The following ARHGEF4 variants were observed in gnomAD, a reference collection of about 807,000 sequenced individuals.
ARHGEF4 encodes APC-stimulated guanine nucleotide exchange factor 1.
Under a neutral mutation model 162.0 loss-of-function variants are expected in ARHGEF4, and 119 were observed. That is an observed-to-expected ratio of 0.73 (90% confidence interval 0.63 to 0.86). The LOEUF (loss-of-function observed/expected upper bound fraction) is 0.86, where lower values mean the gene tolerates loss of function less well. ARHGEF4 is among the 40% of genes least tolerant of loss of function. ARHGEF4 has a pLI of 0.00. For missense variants in ARHGEF4, 2,488 were observed against 2,456.0 expected (o/e 1.01, Z -0.28); for synonymous variants, 1,014 against 979.9 (o/e 1.03, Z -0.65).
intron 1 of ARHGEF4, among the ~76,000 whole-genome samples, chr2:130,886,021 C>T (rs1295543514): frequency 6.6e-6 from 1 of 151,992 alleles, no homozygotes. Context: ...AAACCCCTTC[C>T]CAGTCTGTTG....
At chr2:130,917,623 C>A in intron 2 of ARHGEF4, 125 bp downstream of exon 2, 1 of 1,250,906 alleles carries the variant, frequency 8.0e-7, no homozygotes, top group South Asian at 1.6e-5. Context: ...GCCCCCGTTA[C>A]ACTCCCAGCC....
intron 4 of ARHGEF4, among the ~76,000 whole-genome samples, chr2:131,023,501 A>T (rs1689279166): frequency 6.6e-6 from 1 of 152,206 alleles, no homozygotes; most frequent in South Asian, 2.1e-4. Context: ...AAGCACATGA[A>T]AAGATGTTCA....
chr2:130,950,692 C>T (rs938046547), intron 4 of ARHGEF4, among the ~76,000 whole-genome samples: 3 of 143,300 alleles, frequency 2.1e-5, no homozygotes, highest in African/African-American at 5.7e-5. Context: ...TATTACCCCC[C>T]ACCACCACCC....
chr2:130,976,301 A>G (rs1685701128), intron 4 of ARHGEF4, among the ~76,000 whole-genome samples: 1 of 151,878 alleles, frequency 6.6e-6, no homozygotes, highest in South Asian at 2.1e-4. Context: ...GTTTGCATCT[A>G]GAGCTCTCAA....
intron 4 of ARHGEF4, among the ~76,000 whole-genome samples, chr2:131,023,454 T>C (rs532075874): frequency 6.2e-4 from 94 of 151,834 alleles, no homozygotes; most frequent in African/African-American, 1.8e-3. Flanking sequence ...GCAAAAGACA[T>C]AAAGAGATAT....
chr2:130,990,908 A>G (rs554131652), intron 4 of ARHGEF4, among the ~76,000 whole-genome samples: 3 of 152,350 alleles, frequency 2.0e-5, no homozygotes, highest in East Asian at 1.9e-4. Context: ...TCACACAGAT[A>G]TAGGGTTCAG....
At chr2:130,843,295 C>G (rs145652383) in intron 1 of ARHGEF4, among the ~76,000 whole-genome samples, 129 of 152,284 alleles carry the variant, frequency 8.5e-4, no homozygotes, top group African/African-American at 3.0e-3. Context: ...TGCCAGGGAG[C>G]CACCTACATC....
chr2:130,969,240 G>A (rs1456254856), intron 4 of ARHGEF4, among the ~76,000 whole-genome samples: 1 of 152,160 alleles, frequency 6.6e-6, no homozygotes, highest in Non-Finnish European at 1.5e-5. Context: ...CAGAATGGTT[G>A]TGTGGGTACT....
chr2:130,948,821 CA>C (rs1558757784), intron 4 of ARHGEF4, among the ~76,000 whole-genome samples: 1 of 152,012 alleles, frequency 6.6e-6, no homozygotes, highest in South Asian at 2.1e-4. Flanking sequence ...CCTTTTTCTT[CA>C]AAAAAGGAGT....
At chr2:130,839,634 G>A (rs1050842110) in intron 1 of ARHGEF4, among the ~76,000 whole-genome samples, 7 of 152,234 alleles carry the variant, frequency 4.6e-5, no homozygotes, top group South Asian at 4.1e-4. Context: ...ACACAGGTGC[G>A]CCGCCTTGGG....
intron 8 of ARHGEF4, 75 bp downstream of exon 8, chr2:131,040,515 G>C: frequency 1.4e-6 from 2 of 1,457,766 alleles, no homozygotes; most frequent in Non-Finnish European, 1.8e-6. Context: ...CGCGGACAGC[G>C]GGTGGCTGGT....
chr2:130,958,498 C>T (rs1208009008), intron 4 of ARHGEF4, among the ~76,000 whole-genome samples: 1 of 151,814 alleles, frequency 6.6e-6, no homozygotes, highest in Non-Finnish European at 1.5e-5. Context: ...CAACCTCCGC[C>T]CCCCCGATCC....
At chr2:131,004,258 A>T (rs1006368735) in intron 4 of ARHGEF4, among the ~76,000 whole-genome samples, 1 of 152,206 alleles carries the variant, frequency 6.6e-6, no homozygotes, top group African/African-American at 2.4e-5. Flanking sequence ...CTCCACCTCC[A>T]GGGTTCATGC....
intron 4 of ARHGEF4, among the ~76,000 whole-genome samples, chr2:130,962,529 C>G (rs1369649212): frequency 1.3e-5 from 2 of 152,096 alleles, no homozygotes; most frequent in Non-Finnish European, 2.9e-5. Flanking sequence ...AGAGGTCTCA[C>G]AAGGAGAGGA....
At chr2:131,043,765 A>T in intron 11 of ARHGEF4, 182 bp downstream of exon 11, 1 of 769,710 alleles carries the variant, frequency 1.3e-6, no homozygotes, top group Non-Finnish European at 2.0e-6. Flanking sequence ...CAGGAGCAGC[A>T]GGCGGCTTTC....
rs200182302 is a variant in ARHGEF4 at position 131,021,889 on chromosome 2, T to C, written c.3986-6056T>C. Among the ~76,000 whole-genome samples the C allele has an allele frequency of 2.6e-5, 4 of 152,376 alleles. No individual in the cohort carries two copies. In the East Asian group the frequency reaches 7.7e-4, roughly 29 times the overall value. On this transcript the variant is annotated intron_variant, in intron 4 of 13. Transcript: ENST00000409359. The stretch of plus-strand genomic sequence containing the variant: ...TTTATCGTAAAAACTTGGTCAATGC[T>C]TTTTCTGCATAGATTGAGATAATCA...
rs13425480 is a variant in ARHGEF4, at chr2:130,954,148, C to A, written c.3985+7513C>A. ...GTTCACAATAGCAAAGACTTGGAAC[C>A]GACCCAAATGTCTGTCAGTAATAGA... On this transcript the variant is annotated intron_variant, in intron 4 of 13. Transcript: ENST00000409359. 3.3e-5 allele frequency among the ~76,000 whole-genome samples: 5 copies of A among 152,094 alleles called. 1 individual carries two copies. The East Asian group carries it at 7.7e-4, about 23-fold the overall frequency.
rs1376811042 is a variant in ARHGEF4 at position 130,887,452 on chromosome 2, T to C, written c.40-26534T>C. Among the ~76,000 whole-genome samples the C allele has an allele frequency of 3.3e-5, 5 of 152,102 alleles. No individual in the cohort carries two copies. In the East Asian group the frequency reaches 9.6e-4, roughly 29 times the overall value. ...TTGTTAAATTATAATTTTGTGAGAA[T>C]TTGTCCATGTCATCTAACTGCTCAC... On this transcript the variant is annotated intron_variant, in intron 1 of 13. Transcript: ENST00000409359.
chr2:130,980,512 G>C (rs1413206583), intron 4 of ARHGEF4, among the ~76,000 whole-genome samples: 1 of 152,104 alleles, frequency 6.6e-6, no homozygotes, highest in Non-Finnish European at 1.5e-5. Context: ...AGTATGAGAA[G>C]TAATCTTTCA....
Sources: allele counts gnomAD v4.1 joint callset (sites outside exome capture counted in the v4.1 genomes callset), GRCh38; gene constraint gnomAD v4.1.1; transcripts MANE v1.5; gene names NCBI Gene and HGNC (gene_info 2026-07-23, HGNC 2026-07-21).